The following FIGN variants were observed in gnomAD, a reference collection of about 807,000 sequenced individuals.
The protein encoded by FIGN is fidgetin, microtubule severing factor.
FIGN carries 11 observed loss-of-function variants against 51.3 expected under a neutral mutation model. The observed-to-expected ratio is 0.21, with a 90% CI of 0.13 to 0.35. FIGN has a LOEUF of 0.35. FIGN is among the 10% of genes least tolerant of loss of function. FIGN has a pLI of 1.00. For synonymous variants in FIGN, 407 were observed against 363.2 expected, an observed-to-expected ratio of 1.12 and a Z score of -1.37; for missense variants, 857 against 943.6, an observed-to-expected ratio of 0.91 and a Z score of 1.20.
chr2:163,666,742 G>A (rs1398865801), intron 2 of FIGN, among the ~76,000 whole-genome samples: 2 of 151,966 alleles, frequency 1.3e-5, no homozygotes, highest in Non-Finnish European at 2.9e-5. Context: ...CTGGTATCAG[G>A]ATGACAGAAA....
At chr2:163,734,430 A>G (rs1684981976) in intron 2 of FIGN, among the ~76,000 whole-genome samples, 2 of 152,034 alleles carry the variant, frequency 1.3e-5, no homozygotes, top group South Asian at 4.2e-4. Context: ...GCATTAATAG[A>G]TTGAGAAAAA....
In FIGN at chr2:163,603,224, A is replaced by G. The variant is rs1691011877; in HGVS notation, c.*6328T>C. On this transcript the variant is annotated 3_prime_UTR_variant, in exon 3 of 3. Coordinates refer to ENST00000333129, the MANE Select transcript of FIGN (RefSeq NM_018086.4). ...CACATTTAGTTTCAGCAGATGTAAA[A>G]TAATGCACACAAAAAAATGATTTGA... is the stretch of plus-strand genomic sequence containing the variant. 1 of 152,104 alleles carries G rather than the reference A, an allele frequency of 6.6e-6. No homozygotes were observed. Among genetic ancestry groups the G allele is most frequent in the Non-Finnish European group, 1.5e-5 (1 of 67,994 alleles). 9.4% of individuals were successfully genotyped at this position (152,104 alleles called of 1,614,324 possible).
chr2:163,647,755 T>G (rs899039041), intron 2 of FIGN, among the ~76,000 whole-genome samples: 1 of 152,234 alleles, frequency 6.6e-6, no homozygotes, highest in Admixed American at 6.5e-5. Context: ...TGAATCATCT[T>G]TTTTGATCGC....
intron 2 of FIGN, among the ~76,000 whole-genome samples, chr2:163,683,293 G>A (rs977207858): frequency 6.6e-6 from 1 of 152,160 alleles, no homozygotes. Context: ...AATAGAGTTT[G>A]ATTACAAAAA....
intron 2 of FIGN, among the ~76,000 whole-genome samples, chr2:163,689,704 T>G (rs533460155): frequency 1.3e-5 from 2 of 152,150 alleles, no homozygotes; most frequent in Admixed American, 1.3e-4. Context: ...AAAGTGGTAT[T>G]CTGAAGCAGT....
chr2:163,712,705 A>G (rs1444078514), intron 2 of FIGN, among the ~76,000 whole-genome samples: 1 of 152,192 alleles, frequency 6.6e-6, no homozygotes, highest in Non-Finnish European at 1.5e-5. Context: ...AAGGCAAATA[A>G]ATTTTCATGT....
intron 2 of FIGN, among the ~76,000 whole-genome samples, chr2:163,624,903 C>A (rs527279786): frequency 6.6e-6 from 1 of 151,872 alleles, no homozygotes; most frequent in South Asian, 2.1e-4. Context: ...GTGTTCCTAG[C>A]GCTGAATAGA....
At position 163,607,244 on chromosome 2, in the gene FIGN, T is replaced by A. The variant is rs886733602; in HGVS notation, c.*2308A>T. ...AGTTAATGTGGATATTAGAATTTCC[T>A]TACAAGGGATGCACAGGGTAGACCC... On this transcript the variant is annotated 3_prime_UTR_variant, in exon 3 of 3. Transcript: ENST00000333129. 5 of 152,192 alleles carry A rather than the reference T, an allele frequency of 3.3e-5. No homozygotes were observed. The highest frequency in any genetic ancestry group is 5.9e-5 in the Non-Finnish European group (4 of 68,026). 9.4% of individuals were successfully genotyped at this position (152,192 alleles called of 1,614,324 possible). A position where few individuals can be genotyped will look rare whatever the true frequency, so the allele number is the denominator to read the frequency against.
rs1270474716 is a variant in FIGN at position 163,610,573 on chromosome 2, C to T, written c.1259G>A (p.Gly420Glu). 1 of 1,614,040 alleles carries T rather than the reference C, an allele frequency of 6.2e-7. No individual in the cohort carries two copies. Among genetic ancestry groups the T allele is most frequent in the Non-Finnish European group, 8.5e-7 (1 of 1,180,040 alleles). Residue 420 changes from glycine (G) to glutamate (E), a missense_variant, in exon 3 of 3, where the codon GGG becomes GAG. Transcript: ENST00000333129. ...ACTCATTACTGGCGATGTGTACTTC[C>T]CAAAGGATTCACTGGATCTTGATCC... is the stretch of plus-strand genomic sequence containing the variant. The part of the protein sequence containing the change: ...SLGSRSSESF[G>E]KYTSPVMSEH...
intron 2 of FIGN, among the ~76,000 whole-genome samples, chr2:163,624,582 T>A (rs762365593): frequency 2.6e-5 from 4 of 151,738 alleles, no homozygotes; most frequent in Non-Finnish European, 5.9e-5. Context: ...AATTCTCTCT[T>A]CATTAGTGAG....
intron 2 of FIGN, among the ~76,000 whole-genome samples, chr2:163,685,391 T>C (rs1684131520): frequency 1.3e-5 from 2 of 152,200 alleles, no homozygotes; most frequent in African/African-American, 4.8e-5. Flanking sequence ...ACTTTAATAA[T>C]CTCTCAGACA....
rs2231903 is a variant in FIGN at position 163,610,977 on chromosome 2, T to G, written c.855A>C (p.Leu285=). The G allele has an allele frequency of 2.5e-6, 4 of 1,603,246 alleles. No individual in the cohort carries two copies. The highest frequency in any genetic ancestry group is 2.2e-5 in the East Asian group (1 of 44,532). The change falls in exon 3 of 3, where the codon CTA becomes CTC. Residue 285 remains leucine, a synonymous_variant. Coordinates refer to ENST00000333129, the MANE Select transcript of FIGN (RefSeq NM_018086.4). The part of the protein sequence containing the change: ...LPSGIPAPTP[L]PPTTVPGYTY... Reference sequence around the variant, plus strand: ...TGTAGCCAGGAACAGTGGTGGGGGGTAGGGGGGTGGGAGCAGGAATTCCTG... The same window carrying G: ...TGTAGCCAGGAACAGTGGTGGGGGGGAGGGGGGTGGGAGCAGGAATTCCTG...
In FIGN at chr2:163,662,781, G is replaced by C. The variant is rs371437070; in HGVS notation, c.26-50975C>G. 2.0e-5 allele frequency among the ~76,000 whole-genome samples: 3 copies of C among 152,320 alleles called. No homozygotes were observed. The South Asian group carries it at 6.2e-4, about 32-fold the overall frequency. ...CCCTGTTGTCAGAGGGACCTGAATC[G>C]GGGGAGGTAACTGAATCATGGGGGC... On this transcript the variant is annotated intron_variant, in intron 2 of 2. Coordinates refer to ENST00000333129, the MANE Select transcript of FIGN (RefSeq NM_018086.4).
At chr2:163,680,502 C>A (rs968921628) in intron 2 of FIGN, among the ~76,000 whole-genome samples, 1 of 152,162 alleles carries the variant, frequency 6.6e-6, no homozygotes, top group Non-Finnish European at 1.5e-5. Flanking sequence ...AGGGATCAGG[C>A]TGACACCACG....
At chr2:163,670,878 G>T (rs1206992761) in intron 2 of FIGN, among the ~76,000 whole-genome samples, 6 of 152,114 alleles carry the variant, frequency 3.9e-5, no homozygotes, top group Non-Finnish European at 7.4e-5. Context: ...GAGAAAAAAA[G>T]ACATTAGCCT....
intron 2 of FIGN, among the ~76,000 whole-genome samples, chr2:163,705,789 A>G (rs1364567687): frequency 6.6e-6 from 1 of 152,102 alleles, no homozygotes; most frequent in Admixed American, 6.6e-5. Context: ...CAAGATAGGC[A>G]CACTGTATAC....
intron 2 of FIGN, among the ~76,000 whole-genome samples, chr2:163,730,587 C>T (rs1241186372): frequency 6.6e-6 from 1 of 151,704 alleles, no homozygotes; most frequent in Non-Finnish European, 1.5e-5. Context: ...GTGGTACCCC[C>T]AAATAATTTC....
At chr2:163,694,451 T>C (rs1684285822) in intron 2 of FIGN, among the ~76,000 whole-genome samples, 1 of 152,104 alleles carries the variant, frequency 6.6e-6, no homozygotes, top group Admixed American at 6.6e-5. Context: ...TACTTGACAA[T>C]GGAATCCTCT....
chr2:163,612,607 C>T lies in FIGN; in HGVS notation c.26-801G>A, dbSNP rs899824631. The T allele has an allele frequency of 3.0e-6, 3 of 984,808 alleles. No homozygotes were observed. The Admixed American group carries it at 1.9e-4, about 61-fold the overall frequency. The allele number at this position is 984,808 out of a possible 1,614,324, so 61.0% of individuals were successfully genotyped here. A position where few individuals can be genotyped will look rare whatever the true frequency, so the allele number is the denominator to read the frequency against. On this transcript the variant is annotated intron_variant, in intron 2 of 2. Transcript: ENST00000333129. Reference sequence around the variant, plus strand: ...TCTCTGAAAAAAAAAACAAGCATCACTTGTCTGTCGGTCTTCTAGCGTTCT... The same window carrying T: ...TCTCTGAAAAAAAAAACAAGCATCATTTGTCTGTCGGTCTTCTAGCGTTCT...
Sources: allele counts gnomAD v4.1 joint callset (sites outside exome capture counted in the v4.1 genomes callset), GRCh38; gene constraint gnomAD v4.1.1; transcripts MANE v1.5; gene names NCBI Gene and HGNC (gene_info 2026-07-23, HGNC 2026-07-21).